ADAP1: variants seen among roughly 807,000 people sequenced by gnomAD.
The protein encoded by ADAP1 is ArfGAP with dual PH domains 1, also known as arf-GAP with dual PH domain-containing protein 1.
ADAP1 carries 31 observed loss-of-function variants against 54.9 expected under a neutral mutation model. That is an observed-to-expected ratio of 0.56 (90% confidence interval 0.42 to 0.76). ADAP1 has a LOEUF of 0.76. Ranked by LOEUF, ADAP1 falls within the 30% of genes least tolerant of loss-of-function variation. ADAP1 has a pLI of 0.00. For missense variants in ADAP1, 535 were observed against 512.4 expected (o/e 1.04, Z -0.42); for synonymous variants, 313 against 202.6 (o/e 1.55, Z -4.63).
Position 899,486 on chromosome 7 carries a change from G to C in ADAP1, c.800C>G (p.Thr267Arg), listed in dbSNP as rs780500760. Residue 267 changes from threonine (T) to arginine (R), a missense_variant, in exon 9 of 11, where the codon ACG becomes AGG. Coordinates refer to ENST00000265846, the MANE Select transcript of ADAP1 (RefSeq NM_006869.4). ...GAACCAGCGCTTCCGGAAGCCTTCC[G>C]TTTGCTGTGGGTCAGAGAGGGCCCG... is the stretch of plus-strand genomic sequence containing the variant. ...GYMEKTGPKQ[T>R]EGFRKRWFTM... 7.9e-5 allele frequency: 128 copies of C among 1,612,656 alleles called. No homozygotes were observed. The highest frequency in any genetic ancestry group is 1.1e-4 in the Non-Finnish European group (126 of 1,179,796).
In ADAP1 at chr7:898,574, AG is replaced by A. The variant is rs1430177090; in HGVS notation, c.*346del. On this transcript the variant is annotated 3_prime_UTR_variant, in exon 11 of 11. Transcript: ENST00000265846. Reference sequence around the variant, plus strand: ...GCAGGGCTCTGCGCTGAGGCCTGGAAGTTCCCACAGCCGTGGTGGGCGGCTC... The same window carrying A: ...GCAGGGCTCTGCGCTGAGGCCTGGAATTCCCACAGCCGTGGTGGGCGGCTC... 2.5e-6 allele frequency: 1 copy of A among 397,076 alleles called. No homozygotes were observed. The highest frequency in any genetic ancestry group is 5.6e-5 in the East Asian group (1 of 17,980). The allele number at this position is 397,076 out of a possible 1,614,324, so 24.6% of individuals were successfully genotyped here.
chr7:909,972 C>T (rs1009051151), intron 4 of ADAP1, among the ~76,000 whole-genome samples: 2 of 152,196 alleles, frequency 1.3e-5, no homozygotes, highest in African/African-American at 4.8e-5. Context: ...CCTGCTCAGA[C>T]GCCTCTGAGG....
At chr7:912,518 G>T (rs1008733364) in intron 4 of ADAP1, among the ~76,000 whole-genome samples, 5 of 152,142 alleles carry the variant, frequency 3.3e-5, no homozygotes, top group African/African-American at 9.7e-5. Flanking sequence ...CTGGCTCAGC[G>T]GGCTGAGGTT....
In ADAP1 at chr7:898,952, G is replaced by A. The variant is rs1358550318; in HGVS notation, c.1097-3C>T. The stretch of plus-strand genomic sequence containing the variant: ...TTTATGCTTGAAGTGCGCCTCCACT[G>A]CAACGGAACAGGGTCCAGCGTTGTC... On this transcript the variant is annotated splice_polypyrimidine_tract_variant and splice_region_variant and intron_variant, in intron 10 of 10. Coordinates refer to ENST00000265846, the MANE Select transcript of ADAP1 (RefSeq NM_006869.4). 1.2e-6 allele frequency: 2 copies of A among 1,611,090 alleles called. No homozygotes were observed. The highest frequency in any genetic ancestry group is 1.7e-4 in the Middle Eastern group (1 of 6,058).
rs1846148152 is a variant in ADAP1 at position 920,476 on chromosome 7, G to C, written c.306-426C>G. Among the ~76,000 whole-genome samples the C allele has an allele frequency of 6.6e-6, 1 of 151,404 alleles. No homozygotes were observed. The highest frequency in any genetic ancestry group is 2.1e-4 in the South Asian group (1 of 4,792). Reference sequence around the variant, plus strand: ...CTCGTTGGACCGGATCTGGGAAGTGGCCGCGGCGCCGCCCTCCACCCACCG... The same window carrying C: ...CTCGTTGGACCGGATCTGGGAAGTGCCCGCGGCGCCGCCCTCCACCCACCG... On this transcript the variant is annotated intron_variant, in intron 3 of 10. Transcript: ENST00000265846. The surrounding 1 kb of genome is among the most constrained non-coding windows in gnomAD (Gnocchi z 4.5).
At chr7:940,330 TCACACA>T (rs56715852) in intron 1 of ADAP1, among the ~76,000 whole-genome samples, 4,779 of 140,592 alleles carry the variant, frequency 0.034, 88 homozygotes, top group South Asian at 0.056. Context: ...ACAGACCCTG[TCACACA>T]CACACACACA....
chr7:945,821 C>A lies in ADAP1; in HGVS notation c.82+8575G>T. ...CACCATTTCCGGAGCTGGTCTGGGG[C>A]ACCTGGGCAGGTGAGCCACATTCTT... On this transcript the variant is annotated intron_variant, in intron 1 of 10. Transcript: ENST00000265846. The surrounding 1 kb of genome is among the most constrained non-coding windows in gnomAD (Gnocchi z 4.2). 1.0e-6 allele frequency: 1 copy of A among 985,594 alleles called. No individual in the cohort carries two copies. The highest frequency in any genetic ancestry group is 1.2e-6 in the Non-Finnish European group (1 of 830,018). 61.1% of individuals were successfully genotyped at this position (985,594 alleles called of 1,614,324 possible).
At chr7:917,726 C>T (rs1464980169) in intron 4 of ADAP1, among the ~76,000 whole-genome samples, 1 of 152,122 alleles carries the variant, frequency 6.6e-6, no homozygotes, top group Non-Finnish European at 1.5e-5. Context: ...CCTAGGCCTC[C>T]CAAGGTGCTT....
intron 4 of ADAP1, among the ~76,000 whole-genome samples, chr7:910,631 G>C (rs561680728): frequency 2.4e-4 from 36 of 152,332 alleles, no homozygotes; most frequent in African/African-American, 6.0e-4. Context: ...CACACCTCAC[G>C]TATGTGATTT....
At chr7:901,102 T>A in intron 6 of ADAP1, 1 of 458,926 alleles carries the variant, frequency 2.2e-6, no homozygotes, top group South Asian at 1.6e-5. Flanking sequence ...CTACCGAGAG[T>A]GGGCAGAGAG....
intron 10 of ADAP1, 33 bp downstream of exon 10, chr7:899,000 C>T: frequency 6.2e-7 from 1 of 1,609,696 alleles, no homozygotes; most frequent in Non-Finnish European, 8.5e-7. Flanking sequence ...AGCTGGGAGC[C>T]CTTCCAGGCC....
In ADAP1 at chr7:906,806, G is replaced by GGGGGACATGGGAGACAC. The variant is rs1554272534; in HGVS notation, c.389-1635_389-1634insGTGTCTCCCATGTCCCC. Among the ~76,000 whole-genome samples the GGGGGACATGGGAGACAC allele has an allele frequency of 3.2e-3, 142 of 44,458 alleles. 6 individuals are homozygous for GGGGGACATGGGAGACAC. The highest frequency in any genetic ancestry group is 0.012 in the African/African-American group (134 of 10,998). 29.2% of individuals were successfully genotyped at this position (44,458 alleles called of 152,430 possible). ...ACACGGGGGACGGGACAGGGGACATGGGGGGACATGGGTCAGATGGTGATG... is the reference window on the plus strand; with the variant it reads ...ACACGGGGGACGGGACAGGGGACATGGGGGACATGGGAGACACGGGGGACATGGGTCAGATGGTGATG... On this transcript the variant is annotated intron_variant, in intron 4 of 10. Coordinates refer to ENST00000265846, the MANE Select transcript of ADAP1 (RefSeq NM_006869.4).
intron 4 of ADAP1, among the ~76,000 whole-genome samples, chr7:917,809 C>A (rs910554522): frequency 6.6e-6 from 1 of 152,136 alleles, no homozygotes; most frequent in Admixed American, 6.6e-5. Flanking sequence ...CTCGCTCTGA[C>A]GTCCAGGCTG....
intron 4 of ADAP1, among the ~76,000 whole-genome samples, chr7:913,412 A>G (rs886486818): frequency 1.3e-5 from 2 of 151,684 alleles, no homozygotes; most frequent in Admixed American, 6.6e-5. Context: ...CGTGTTAGCC[A>G]GGATGGTCTT....
intron 2 of ADAP1, among the ~76,000 whole-genome samples, chr7:930,116 A>AC (rs1446489340): frequency 5.3e-5 from 8 of 150,146 alleles, no homozygotes; most frequent in Admixed American, 1.3e-4. Context: ...AAAAAAAAAA[A>AC]AAAAAAAAAA....
chr7:908,492 C>T (rs982293852), intron 4 of ADAP1, among the ~76,000 whole-genome samples: 1 of 152,182 alleles, frequency 6.6e-6, no homozygotes, highest in Non-Finnish European at 1.5e-5. Context: ...GCCCCAGCCC[C>T]GTGCGCACAG....
At position 954,406 on chromosome 7, in the gene ADAP1, G is replaced by T; in HGVS notation, c.72C>A (p.Cys24Ter). ...CCGGCCCACACCTACCCGGGGCGCC[G>T]CAGTCCGCGCAGCGCGCGTTCCCCG... Reference protein sequence around the residue: ...QRPGNARCADCGAPDPDWASY... With the variant: ...QRPGNARCAD The change falls in exon 1 of 11, where the codon TGC (cysteine) becomes TGA (stop). Residue 24 changes from cysteine (C) to a stop codon, truncating the protein, a stop_gained. Coordinates refer to ENST00000265846, the MANE Select transcript of ADAP1 (RefSeq NM_006869.4). LOFTEE classifies it high-confidence loss of function. 1 of 1,116,616 alleles carries T rather than the reference G, an allele frequency of 9.0e-7. No individual in the cohort carries two copies. Among genetic ancestry groups the T allele is most frequent in the Non-Finnish European group, 1.1e-6 (1 of 903,560 alleles). 69.2% of individuals were successfully genotyped at this position (1,116,616 alleles called of 1,614,324 possible).
intron 1 of ADAP1, among the ~76,000 whole-genome samples, chr7:937,937 G>T (rs534523244): frequency 6.6e-6 from 1 of 152,284 alleles, no homozygotes; most frequent in East Asian, 1.9e-4. Context: ...TCCGGAGCAG[G>T]TCTCCACGGG....
rs1845460989 is a variant in ADAP1, at chr7:906,773, G to GT, written c.389-1602_389-1601insA. On this transcript the variant is annotated intron_variant, in intron 4 of 10. Transcript: ENST00000265846. ...GGGGACATGGACAGGGGACATGGGG[G>GT]ACAGGGGACACGGGGGACGGGACAG... Among the ~76,000 whole-genome samples the GT allele has an allele frequency of 2.1e-4, 6 of 28,648 alleles. 1 individual carries two copies. Among genetic ancestry groups the GT allele is most frequent in the East Asian group, 3.5e-3 (2 of 566 alleles). The allele number at this position is 28,648 out of a possible 152,430, so 18.8% of individuals were successfully genotyped here.
Sources: allele counts gnomAD v4.1 joint callset (sites outside exome capture counted in the v4.1 genomes callset), GRCh38; gene constraint gnomAD v4.1.1; non-coding constraint Gnocchi (gnomAD v3.1); transcripts MANE v1.5; gene names NCBI Gene and HGNC (gene_info 2026-07-23, HGNC 2026-07-21).